Variants in BTBD1 observed in about 807,000 individuals in gnomAD.
The protein encoded by BTBD1 is BTB/POZ domain-containing protein 1.
In BTBD1, 34 loss-of-function variants were observed where a neutral mutation model predicts 48.0. The ratio of observed to expected loss-of-function variants is 0.71; its 90% confidence interval spans 0.54 to 0.94. The LOEUF (loss-of-function observed/expected upper bound fraction) is 0.94. BTBD1 is among the 40% of genes least tolerant of loss of function. The pLI is 0.00. For synonymous variants in BTBD1, 261 were observed against 242.1 expected (o/e 1.08, Z -0.72); for missense variants, 543 against 625.6 (o/e 0.87, Z 1.41).
At chr15:83,044,280 A>G in intron 3 of BTBD1, 1 of 688,308 alleles carries the variant, frequency 1.5e-6, no homozygotes, top group Non-Finnish European at 2.5e-6. Context: ...AGATTTCTCA[A>G]AGGGTCAAAA....
At chr15:83,050,734 A>C (rs1252334905) in intron 2 of BTBD1, among the ~76,000 whole-genome samples, 1 of 152,170 alleles carries the variant, frequency 6.6e-6, no homozygotes, top group Non-Finnish European at 1.5e-5. Context: ...GGGTACTAGA[A>C]TTTTAGAGCA....
At position 83,044,336 on chromosome 15, in the gene BTBD1, CT is replaced by C. The variant is rs1443554819; in HGVS notation, c.665-2412del. The C allele has an allele frequency of 2.1e-5, 27 of 1,294,176 alleles. No individual in the cohort carries two copies. The Admixed American group carries it at 4.8e-4, about 23-fold the overall frequency. 80.2% of individuals were successfully genotyped at this position (1,294,176 alleles called of 1,614,324 possible). A position where few individuals can be genotyped will look rare whatever the true frequency, so the allele number is the denominator to read the frequency against. On this transcript the variant is annotated intron_variant, in intron 3 of 7. Coordinates refer to ENST00000261721, the MANE Select transcript of BTBD1 (RefSeq NM_025238.4). ...CAAGCTGCCCACGCCGACGGCAACC[CT>C]GCTCTGCATGCCCGCCCGCCCGTGC... is the stretch of plus-strand genomic sequence containing the variant.
intron 4 of BTBD1, among the ~76,000 whole-genome samples, chr15:83,032,969 CAA>C (rs56152195): frequency 2.3e-5 from 2 of 87,000 alleles, no homozygotes; most frequent in African/African-American, 5.0e-5. Flanking sequence ...TACTCTGTCT[CAA>C]AAAAAAAAAA....
Position 83,041,779 on chromosome 15 carries a change from C to T in BTBD1, c.811G>A (p.Ala271Thr). 1.2e-6 allele frequency: 2 copies of T among 1,614,152 alleles called. No individual in the cohort carries two copies. Among genetic ancestry groups the T allele is most frequent in the East Asian group, 2.2e-5 (1 of 44,890 alleles). The change falls in exon 4 of 8, where the codon GCA (alanine) becomes ACA (threonine). Residue 271 changes from alanine (A) to threonine (T), a missense_variant. Coordinates refer to ENST00000261721, the MANE Select transcript of BTBD1 (RefSeq NM_025238.4). ...AGTGGGAACCGGATTAAGGAAAGTGCTTTTCCTAGAACTTTTTGTTTATTC... is the reference window on the plus strand; with the variant it reads ...AGTGGGAACCGGATTAAGGAAAGTGTTTTTCCTAGAACTTTTTGTTTATTC... ...FGNKQKVLGK[A>T]LSLIRFPLMT...
intron 1 of BTBD1, among the ~76,000 whole-genome samples, chr15:83,062,078 T>C (rs959869000): frequency 1.3e-5 from 2 of 152,078 alleles, no homozygotes; most frequent in Admixed American, 1.3e-4. Flanking sequence ...AAAAGGCCAT[T>C]AGTAATTAGG....
At chr15:83,064,686 G>A (rs1304051901) in intron 1 of BTBD1, among the ~76,000 whole-genome samples, 5 of 79,726 alleles carry the variant, frequency 6.3e-5, no homozygotes, top group African/African-American at 2.5e-4. Flanking sequence ...CAAATATTAC[G>A]GTATATAATG....
chr15:83,050,059 C>T lies in BTBD1; in HGVS notation c.664+14G>A. 1 of 1,523,818 alleles carries T rather than the reference C, an allele frequency of 6.6e-7. No individual in the cohort carries two copies. The highest frequency in any genetic ancestry group is 9.1e-7 in the Non-Finnish European group (1 of 1,100,966). The allele number at this position is 1,523,818 out of a possible 1,614,324, so 94.4% of individuals were successfully genotyped here. On this transcript the variant is annotated intron_variant, in intron 3 of 7. Coordinates refer to ENST00000261721, the MANE Select transcript of BTBD1 (RefSeq NM_025238.4). ...GTACTTAAAATGTAACAATTTACTT[C>T]ATAGCGAACTTACCTATATCAATAT...
chr15:83,032,172 T>C (rs2032530290), intron 4 of BTBD1, among the ~76,000 whole-genome samples: 1 of 151,834 alleles, frequency 6.6e-6, no homozygotes, highest in Non-Finnish European at 1.5e-5. Flanking sequence ...AATACAAAAA[T>C]TAGTTGGGTG....
intron 5 of BTBD1, among the ~76,000 whole-genome samples, chr15:83,026,221 T>C (rs909171009): frequency 6.6e-6 from 1 of 152,164 alleles, no homozygotes; most frequent in Non-Finnish European, 1.5e-5. Context: ...GTGGCCACTA[T>C]TCTCTTTTAT....
intron 3 of BTBD1, among the ~76,000 whole-genome samples, chr15:83,042,424 C>T (rs937233210): frequency 6.9e-6 from 1 of 144,530 alleles, no homozygotes; most frequent in East Asian, 1.9e-4. Flanking sequence ...CATTCTGTTG[C>T]TCAGGCTGGA....
In BTBD1 at chr15:83,048,035, T is replaced by G. The variant is rs115865428; in HGVS notation, c.664+2038A>C. On this transcript the variant is annotated intron_variant, in intron 3 of 7. Coordinates refer to ENST00000261721, the MANE Select transcript of BTBD1 (RefSeq NM_025238.4). The stretch of plus-strand genomic sequence containing the variant: ...AGAGACTACAAGAGACCACTGCAAT[T>G]ATCCAGGTGAAAGAGAATGGTGGCT... Among the ~76,000 whole-genome samples, 251 of 152,262 alleles carry G rather than the reference T, an allele frequency of 1.6e-3. 1 individual carries two copies. The highest frequency in any genetic ancestry group is 5.7e-3 in the African/African-American group (236 of 41,550).
intron 3 of BTBD1, among the ~76,000 whole-genome samples, chr15:83,048,252 T>C (rs764712689): frequency 3.3e-5 from 5 of 152,004 alleles, no homozygotes; most frequent in African/African-American, 1.2e-4. Flanking sequence ...CTGAAAACAG[T>C]TGGAAAGGAA....
intron 4 of BTBD1, among the ~76,000 whole-genome samples, chr15:83,034,488 C>T (rs994796867): frequency 2.6e-5 from 4 of 152,156 alleles, no homozygotes; most frequent in Non-Finnish European, 5.9e-5. Flanking sequence ...GTGGTGCACA[C>T]ATGTAGTCCC....
At chr15:83,033,590 A>C (rs578089094) in intron 4 of BTBD1, among the ~76,000 whole-genome samples, 1 of 152,030 alleles carries the variant, frequency 6.6e-6, no homozygotes, top group Non-Finnish European at 1.5e-5. Context: ...AATTTTATTT[A>C]TTTATTTAGA....
intron 4 of BTBD1, among the ~76,000 whole-genome samples, chr15:83,040,009 ACACACACG>A (rs1445611606): frequency 6.7e-6 from 1 of 150,272 alleles, no homozygotes; most frequent in African/African-American, 2.5e-5. Context: ...ACACACACAC[ACACACACG>A]GACACACACA....
Position 83,067,096 on chromosome 15 carries a change from T to C in BTBD1, c.56A>G (p.Glu19Gly), listed in dbSNP as rs1016123855. 2 of 1,509,366 alleles carry C rather than the reference T, an allele frequency of 1.3e-6. No individual in the cohort carries two copies. Among genetic ancestry groups the C allele is most frequent in the Non-Finnish European group, 1.8e-6 (2 of 1,135,836 alleles). The allele number at this position is 1,509,366 out of a possible 1,614,324, so 93.5% of individuals were successfully genotyped here. Residue 19 changes from glutamate to glycine, a missense_variant, in exon 1 of 8, where the codon GAG becomes GGG. Glu to Gly is a moderately conservative substitution (Grantham distance 98). Around this residue, in one of 3 missense-constraint regions of BTBD1, gnomAD observed 173 missense variants for 163.9 expected, o/e 1.06. Transcript: ENST00000261721. ...AGEQASGAEA[E>G]PGPAGPPPPP... ...CGGCGGCGGCCCCGCGGGGCCCGGC[T>C]CCGCCTCAGCCCCCGACGCCTGCTC...
At chr15:83,032,636 C>G (rs1393493011) in intron 4 of BTBD1, among the ~76,000 whole-genome samples, 2 of 152,062 alleles carry the variant, frequency 1.3e-5, no homozygotes, top group Admixed American at 1.3e-4. Flanking sequence ...AATGGAAAAC[C>G]AAATACCATA....
intron 4 of BTBD1, among the ~76,000 whole-genome samples, chr15:83,039,937 C>G (rs369307265): frequency 1.3e-5 from 2 of 151,974 alleles, no homozygotes; most frequent in African/African-American, 2.4e-5. Context: ...AGCAACGACA[C>G]TGACTCAACC....
intron 1 of BTBD1, among the ~76,000 whole-genome samples, chr15:83,060,666 C>T (rs1352540794): frequency 6.6e-6 from 1 of 152,102 alleles, no homozygotes; most frequent in Non-Finnish European, 1.5e-5. Flanking sequence ...TGGTGGCACA[C>T]ACCTGTAATC....
Sources: allele counts gnomAD v4.1 joint callset (sites outside exome capture counted in the v4.1 genomes callset), GRCh38; gene constraint gnomAD v4.1.1; regional missense constraint gnomAD v4.1.1; transcripts MANE v1.5; gene names NCBI Gene and HGNC (gene_info 2026-07-23, HGNC 2026-07-21).